Variants in ARPC1A observed in about 807,000 individuals in gnomAD.
ARPC1A encodes actin-related protein 2/3 complex subunit 1A.
ARPC1A carries 8 observed loss-of-function variants against 46.9 expected under a neutral mutation model. That is an observed-to-expected ratio of 0.17 (90% CI 0.10 to 0.31). The LOEUF is 0.31. ARPC1A is among the 10% of genes least tolerant of loss of function. The pLI, the probability that ARPC1A is intolerant of heterozygous loss-of-function variation, is 1.00. For synonymous variants in ARPC1A, 152 were observed against 169.0 expected (o/e 0.90, Z 0.78); for missense variants, 286 against 483.6 (o/e 0.59, Z 3.83).
chr7:99,359,836 G>A, intron 8 of ARPC1A, 98 bp downstream of exon 8: 1 of 1,343,038 alleles, frequency 7.4e-7, no homozygotes, highest in Non-Finnish European at 1.0e-6. Flanking sequence ...ATGCCCCTCA[G>A]GCCCAGACAT....
At chr7:99,365,796 G>A (rs1793829377) in intron 9 of ARPC1A, 95 bp from the exon 10 acceptor site, 1 of 1,360,924 alleles carries the variant, frequency 7.3e-7, no homozygotes, top group Non-Finnish European at 1.0e-6. Context: ...GGTGGGGACA[G>A]GCAGAACCTT....
At chr7:99,329,071 C>G (rs1793100446) in intron 1 of ARPC1A, among the ~76,000 whole-genome samples, 1 of 152,044 alleles carries the variant, frequency 6.6e-6, no homozygotes, top group South Asian at 2.1e-4. Flanking sequence ...GAGGCCGAGG[C>G]AGGCGGATCA....
At position 99,363,625 on chromosome 7, in the gene ARPC1A, G is replaced by T; in HGVS notation, c.1066G>T (p.Asp356Tyr). 2 of 1,605,764 alleles carry T rather than the reference G, an allele frequency of 1.2e-6. No individual in the cohort carries two copies. The highest frequency in any genetic ancestry group is 1.7e-6 in the Non-Finnish European group (2 of 1,177,362). ...TGIDGAMTIW[D>Y]FKTLESSIQG... Reference sequence around the variant, plus strand: ...CATCGATGGAGCCATGACAATTTGGGATTTCAAGGTATTTTCTACCTAACA... The same window carrying T: ...CATCGATGGAGCCATGACAATTTGGTATTTCAAGGTATTTTCTACCTAACA... The change falls in exon 9 of 10, where the codon GAT (aspartate) becomes TAT (tyrosine). Residue 356 changes from aspartate to tyrosine, a missense_variant. By Grantham distance (160) the Asp-to-Tyr change is radical. Transcript: ENST00000262942.
At chr7:99,344,920 CTTTTTTTTT>C (rs1172071932) in intron 4 of ARPC1A, among the ~76,000 whole-genome samples, 4 of 20,100 alleles carry the variant, frequency 2.0e-4, no homozygotes, top group Non-Finnish European at 2.8e-4. Context: ...TAACAATGTT[CTTTTTTTTT>C]TTTTTTTTTT....
intron 2 of ARPC1A, 142 bp from the exon 3 acceptor site, chr7:99,338,039 T>G: frequency 3.7e-6 from 2 of 546,892 alleles, no homozygotes; most frequent in Non-Finnish European, 3.3e-6. Flanking sequence ...ATGGAATTAT[T>G]CAGAGGTGAA....
At chr7:99,334,033 A>ACG (rs1793197334) in intron 2 of ARPC1A, among the ~76,000 whole-genome samples, 1 of 119,224 alleles carries the variant, frequency 8.4e-6, no homozygotes, top group African/African-American at 4.4e-5. Context: ...ACACACACAT[A>ACG]TATATGTATT....
chr7:99,365,718 G>A (rs936393252), intron 9 of ARPC1A, among the ~76,000 whole-genome samples, 173 bp from the exon 10 acceptor site: 4 of 152,118 alleles, frequency 2.6e-5, no homozygotes, highest in Admixed American at 6.6e-5. Context: ...GGGGAGCCCC[G>A]GCCTGGAGTG....
chr7:99,336,890 G>A (rs974423864), intron 2 of ARPC1A, among the ~76,000 whole-genome samples: 3 of 152,092 alleles, frequency 2.0e-5, no homozygotes, highest in African/African-American at 7.2e-5. Flanking sequence ...GGGAGGCCAA[G>A]GCAGGAGAAT....
intron 4 of ARPC1A, among the ~76,000 whole-genome samples, chr7:99,345,657 CAAAA>C (rs547514508): frequency 7.4e-6 from 1 of 134,388 alleles, no homozygotes; most frequent in African/African-American, 2.7e-5. Context: ...GATTCTATCT[CAAAA>C]AAAAAAAAAA....
rs372007428 is a variant in ARPC1A, at chr7:99,344,585, A to T, written c.392+70A>T. ...CATTTGCACTGCTGTGTGAGGGCTC[A>T]CCATAACTCCAGTTTTTCTCATCCG... On this transcript the variant is annotated intron_variant, in intron 4 of 9. Coordinates refer to ENST00000262942, the MANE Select transcript of ARPC1A (RefSeq NM_006409.4). 2.8e-5 allele frequency: 41 copies of T among 1,466,998 alleles called. No homozygotes were observed. In the African/African-American group the frequency reaches 5.3e-4, roughly 19 times the overall value. The allele number at this position is 1,466,998 out of a possible 1,614,324, so 90.9% of individuals were successfully genotyped here.
intron 3 of ARPC1A, among the ~76,000 whole-genome samples, chr7:99,339,165 T>C (rs895677544): frequency 1.3e-5 from 2 of 152,276 alleles, no homozygotes; most frequent in African/African-American, 4.8e-5. Flanking sequence ...TCACCAGCAG[T>C]CCTATTCCTC....
chr7:99,341,351 T>C (rs1481678183), intron 3 of ARPC1A, among the ~76,000 whole-genome samples: 1 of 151,930 alleles, frequency 6.6e-6, no homozygotes, highest in Non-Finnish European at 1.5e-5. Flanking sequence ...CTCAAGCCTG[T>C]AATCCCAGCC....
chr7:99,357,542 C>T (rs561083341), intron 6 of ARPC1A, among the ~76,000 whole-genome samples: 2 of 151,444 alleles, frequency 1.3e-5, no homozygotes, highest in South Asian at 4.2e-4. Context: ...GTTGTCCAGG[C>T]TGATCTCAAA....
At chr7:99,335,518 C>T (rs1793231511) in intron 2 of ARPC1A, 2 of 325,308 alleles carry the variant, frequency 6.1e-6, no homozygotes, top group South Asian at 4.3e-5. Flanking sequence ...TAAGTTCCAA[C>T]TTTGTTCTTT....
chr7:99,362,432 C>T (rs1285188817), intron 8 of ARPC1A, among the ~76,000 whole-genome samples: 7 of 147,094 alleles, frequency 4.8e-5, no homozygotes, highest in Non-Finnish European at 1.0e-4. Flanking sequence ...CCTGGGTTCA[C>T]GCCCTTCTCC....
chr7:99,347,803 T>A (rs963526129), intron 4 of ARPC1A, among the ~76,000 whole-genome samples: 1 of 146,502 alleles, frequency 6.8e-6, no homozygotes, highest in African/African-American at 2.5e-5. Context: ...CACTCCAGCC[T>A]GGACAACAAG....
At position 99,359,174 on chromosome 7, in the gene ARPC1A, G is replaced by C. The variant is rs559032381; in HGVS notation, c.790-371G>C. 6.7e-5 allele frequency among the ~76,000 whole-genome samples: 10 copies of C among 150,348 alleles called. No homozygotes were observed. In the East Asian group the frequency reaches 2.1e-3, roughly 31 times the overall value. ...GAGGGGGTGGGGCACGATGGCTCAC[G>C]CCTGTAGTCCCAGCACTTTGGGAGG... On this transcript the variant is annotated intron_variant, in intron 7 of 9. Transcript: ENST00000262942.
chr7:99,333,396 G>T lies in ARPC1A; in HGVS notation c.43G>T (p.Ala15Ser). Residue 15 changes from alanine (A) to serine (S), a missense_variant, in exon 2 of 10, where the codon GCC becomes TCC. Transcript: ENST00000262942. ...TTTACTAGAGCCAATCACCTGTCAT[G>T]CCTGGAACAGGGATCGTACTCGTAA... ...QFLLEPITCH[A>S]WNRDRTQIAL... is the part of the protein sequence containing the mutation. 1 of 1,613,706 alleles carries T rather than the reference G, an allele frequency of 6.2e-7. No homozygotes were observed. The highest frequency in any genetic ancestry group is 8.5e-7 in the Non-Finnish European group (1 of 1,179,762).
At chr7:99,359,471 C>T (rs1410764033) in intron 7 of ARPC1A, 74 bp from the exon 8 acceptor site, 23 of 1,412,958 alleles carry the variant, frequency 1.6e-5, no homozygotes, top group South Asian at 1.5e-4. Flanking sequence ...AGAGGCCTGT[C>T]GTGGTGAACA....
Sources: gnomAD v4.1 joint callset for allele counts (sites outside exome capture counted in the v4.1 genomes callset) on GRCh38, gnomAD v4.1.1 for gene constraint, MANE v1.5 for transcripts, NCBI Gene and HGNC (gene_info 2026-07-23, HGNC 2026-07-21) for gene names.